The following BEAN1 variants were observed in gnomAD, a reference collection of about 807,000 sequenced individuals.
The protein encoded by BEAN1 is protein BEAN1.
A neutral mutation model predicts 17.7 loss-of-function variants in BEAN1; 17 were observed. The observed-to-expected ratio is 0.96, with a 90% CI of 0.66 to 1.44. The LOEUF is 1.44. BEAN1 is among the 40% of genes most tolerant of loss of function. The pLI is 0.00. For missense variants in BEAN1, 359 were observed against 374.1 expected, an observed-to-expected ratio of 0.96 and a Z score of 0.33; for synonymous variants, 142 against 151.8, an observed-to-expected ratio of 0.94 and a Z score of 0.47.
chr16:66,436,851 C>T (rs1050127008), intron 1 of BEAN1, among the ~76,000 whole-genome samples: 8 of 151,950 alleles, frequency 5.3e-5, no homozygotes, highest in South Asian at 2.1e-4. Context: ...TACTGGGGGG[C>T]GGGGAGAGAG....
rs182736634 is a variant in BEAN1 at position 66,446,057 on chromosome 16, C to T, written c.25+8356C>T. 2.8e-3 allele frequency among the ~76,000 whole-genome samples: 431 copies of T among 152,174 alleles called. 1 individual carries two copies. Among genetic ancestry groups the T allele is most frequent in the African/African-American group, 9.9e-3 (413 of 41,534 alleles). On this transcript the variant is annotated intron_variant, in intron 2 of 4. Transcript: ENST00000536005. ...AATTAGCCAGGTGTGGTGGGGCACGCCTGTAATCCCAGCTACTCGGGAGGC... is the reference window on the plus strand; with the variant it reads ...AATTAGCCAGGTGTGGTGGGGCACGTCTGTAATCCCAGCTACTCGGGAGGC...
At chr16:66,456,963 A>G (rs2142408558) in intron 2 of BEAN1, among the ~76,000 whole-genome samples, 1 of 152,332 alleles carries the variant, frequency 6.6e-6, no homozygotes, top group Non-Finnish European at 1.5e-5. Context: ...TTTTCCAGTT[A>G]CGTTTTAACA....
At chr16:66,478,455 C>T (rs753151621) in intron 4 of BEAN1, among the ~76,000 whole-genome samples, 72 of 151,156 alleles carry the variant, frequency 4.8e-4, no homozygotes, top group Admixed American at 1.8e-3. Context: ...ACAAAAAATT[C>T]GCCGGGCGTG....
intron 1 of BEAN1, among the ~76,000 whole-genome samples, chr16:66,435,230 A>G (rs572632095): frequency 6.6e-6 from 1 of 152,234 alleles, no homozygotes; most frequent in East Asian, 1.9e-4. Context: ...ACTGAGAGGC[A>G]CTGGGGGTGA....
intron 1 of BEAN1, among the ~76,000 whole-genome samples, chr16:66,436,938 G>C (rs1420807794): frequency 6.6e-6 from 1 of 152,018 alleles, no homozygotes; most frequent in Admixed American, 6.6e-5. Context: ...CTAAAGAATT[G>C]TGCTGGCTGA....
At chr16:66,440,225 G>A (rs1962202124) in intron 2 of BEAN1, among the ~76,000 whole-genome samples, 1 of 148,122 alleles carries the variant, frequency 6.8e-6, no homozygotes, top group Non-Finnish European at 1.5e-5. Flanking sequence ...CGCCTCCCAG[G>A]TTCAAGCGAT....
Position 66,480,801 on chromosome 16 carries a change from T to C in BEAN1, c.656T>C (p.Val219Ala). The C allele has an allele frequency of 6.5e-7, 1 of 1,546,502 alleles. No homozygotes were observed. The highest frequency in any genetic ancestry group is 8.7e-7 in the Non-Finnish European group (1 of 1,144,170). Residue 219 changes from valine (V) to alanine (A), a missense_variant, in exon 5 of 5, where the codon GTG becomes GCG. Transcript: ENST00000536005. ...SMDTLPPYEA[V>A]CGAGPPSGLL... ...GACACCCTTCCCCCCTACGAGGCTG[T>C]GTGCGGGGCTGGCCCCCCATCAGGC...
rs565178392 is a variant in BEAN1, at chr16:66,445,337, G to A, written c.25+7636G>A. On this transcript the variant is annotated intron_variant, in intron 2 of 4. Coordinates refer to ENST00000536005, the MANE Select transcript of BEAN1 (RefSeq NM_001178020.3). ...TAAAAATACAAAAAATTAGCCGGGC[G>A]TGGTGGTGGGCGCCTGTAGTCCCAG... Among the ~76,000 whole-genome samples, 21 of 151,912 alleles carry A rather than the reference G, an allele frequency of 1.4e-4. 1 individual carries two copies. In the South Asian group the frequency reaches 2.3e-3, roughly 17 times the overall value.
chr16:66,474,505 A>G (rs936596606), intron 3 of BEAN1, among the ~76,000 whole-genome samples: 23 of 145,878 alleles, frequency 1.6e-4, no homozygotes, highest in African/African-American at 4.4e-4. Flanking sequence ...AGGAGCCACA[A>G]ATCTTTGAGA....
intron 1 of BEAN1, among the ~76,000 whole-genome samples, chr16:66,436,087 C>G (rs79570627): frequency 0.11 from 16,487 of 152,178 alleles, 973 homozygotes; most frequent in Middle Eastern, 0.24. Context: ...GCTTGGCACT[C>G]ATGATCTCTG....
At chr16:66,428,468 C>T (rs574987669) in intron 1 of BEAN1, 8 of 152,468 alleles carry the variant, frequency 5.2e-5, no homozygotes, top group African/African-American at 1.4e-4. Flanking sequence ...AGAGACTTCA[C>T]CACCCTGTGC....
chr16:66,488,695 TCAAAAAA>T (rs1439978393), intron 4 of BEAN1, among the ~76,000 whole-genome samples: 11 of 150,912 alleles, frequency 7.3e-5, no homozygotes, highest in Admixed American at 7.3e-4. Flanking sequence ...AGATCATATC[TCAAAAAA>T]CAAAAAACAA....
chr16:66,464,268 G>T (rs1353105278), intron 2 of BEAN1, among the ~76,000 whole-genome samples: 1 of 152,130 alleles, frequency 6.6e-6, no homozygotes, highest in East Asian at 1.9e-4. Context: ...ATGAACATGG[G>T]ATGTCTTTCT....
chr16:66,457,726 C>T (rs188585488), intron 2 of BEAN1, among the ~76,000 whole-genome samples: 1 of 152,104 alleles, frequency 6.6e-6, no homozygotes, highest in Admixed American at 6.5e-5. Context: ...TCCAACATCC[C>T]TCTATCAGTC....
At chr16:66,462,800 A>C (rs79931367) in intron 2 of BEAN1, among the ~76,000 whole-genome samples, 7 of 146,270 alleles carry the variant, frequency 4.8e-5, no homozygotes, top group Admixed American at 2.1e-4. Context: ...AAACTGTCTC[A>C]AAAAAAAAAA....
intron 3 of BEAN1, among the ~76,000 whole-genome samples, chr16:66,470,869 C>T (rs1358293818): frequency 6.6e-6 from 1 of 152,226 alleles, no homozygotes; most frequent in African/African-American, 2.4e-5. Flanking sequence ...CAGACTCTTC[C>T]TTCCCAAATC....
rs1963397842 is a variant in BEAN1, at chr16:66,469,762, C to G, written c.186C>G (p.Asp62Glu). The G allele has an allele frequency of 6.5e-7, 1 of 1,536,180 alleles. No homozygotes were observed. The highest frequency in any genetic ancestry group is 8.7e-7 in the Non-Finnish European group (1 of 1,146,914). ...ITIIVGSIRR[D>E]RQARLQRHRH... ...TCATTGTGGGCAGCATCCGCAGGGA[C>G]AGGCAGGCCCGGCTTCAGCGGCACC... The change falls in exon 3 of 5, where the codon GAC (aspartate) becomes GAG (glutamate). Residue 62 changes from aspartate to glutamate, a missense_variant. By Grantham distance (45) the Asp-to-Glu change is conservative. Transcript: ENST00000536005.
At chr16:66,433,254 G>A (rs1195048023) in intron 1 of BEAN1, among the ~76,000 whole-genome samples, 7 of 151,972 alleles carry the variant, frequency 4.6e-5, no homozygotes, top group African/African-American at 9.7e-5. Flanking sequence ...GACTACAGGC[G>A]CACACCACCA....
chr16:66,483,067 G>T (rs1246683343), downstream of BEAN1: 14 of 354,456 alleles, frequency 3.9e-5, no homozygotes, highest in Admixed American at 5.6e-4. Context: ...TCACTATGTT[G>T]CCCAGGCTAG....
Sources: allele counts gnomAD v4.1 joint callset (sites outside exome capture counted in the v4.1 genomes callset), GRCh38; gene constraint gnomAD v4.1.1; transcripts MANE v1.5; gene names NCBI Gene and HGNC (gene_info 2026-07-23, HGNC 2026-07-21).